The following JARID2 variants were observed in gnomAD, a reference collection of about 807,000 sequenced individuals.
JARID2 encodes jumonji and AT-rich interaction domain containing 2.
A neutral mutation model predicts 125.6 loss-of-function variants in JARID2; 21 were observed. That is an observed-to-expected ratio of 0.17 (90% CI 0.12 to 0.24). The LOEUF (loss-of-function observed/expected upper bound fraction) is 0.24, where lower values mean the gene tolerates loss of function less well. Ranked by LOEUF, JARID2 falls within the 10% of genes least tolerant of loss-of-function variation. The pLI is 1.00. For synonymous variants in JARID2, 736 were observed against 661.6 expected, an observed-to-expected ratio of 1.11 and a Z score of -1.73; for missense variants, 1,303 against 1,639.6, an observed-to-expected ratio of 0.79 and a Z score of 3.55.
intron 1 of JARID2, among the ~76,000 whole-genome samples, chr6:15,290,600 G>C (rs1761168685): frequency 1.3e-5 from 2 of 152,022 alleles, no homozygotes; most frequent in African/African-American, 4.8e-5. Flanking sequence ...TGTGATGAAG[G>C]GTTGCTGAAT....
At chr6:15,248,151 G>A in intron 1 of JARID2, 1 of 925,134 alleles carries the variant, frequency 1.1e-6, no homozygotes, top group Non-Finnish European at 1.3e-6. Context: ...GCGGCTGCGG[G>A]AGGCACGGCA....
At chr6:15,248,613 C>T (rs1241022116) in intron 1 of JARID2, 2 of 151,830 alleles carry the variant, frequency 1.3e-5, no homozygotes, top group African/African-American at 2.4e-5. Flanking sequence ...GCCGGCGAGA[C>T]GTCAGCGCGC....
At chr6:15,283,306 A>G (rs1005549546) in intron 1 of JARID2, among the ~76,000 whole-genome samples, 1 of 147,282 alleles carries the variant, frequency 6.8e-6, no homozygotes, top group Non-Finnish European at 1.5e-5. Flanking sequence ...TATGTCGCAA[A>G]TATTGTCTCC....
intron 5 of JARID2, among the ~76,000 whole-genome samples, chr6:15,482,487 A>G (rs1404763786): frequency 6.6e-6 from 1 of 152,242 alleles, no homozygotes; most frequent in African/African-American, 2.4e-5. Flanking sequence ...AGCATTTTTT[A>G]ATGAAAAATA....
At chr6:15,460,788 T>C (rs1768409367) in intron 4 of JARID2, among the ~76,000 whole-genome samples, 1 of 152,188 alleles carries the variant, frequency 6.6e-6, no homozygotes, top group Admixed American at 6.5e-5. Flanking sequence ...CACTGCAACC[T>C]CCGCCTCCCA....
chr6:15,328,853 G>A (rs1762615884), intron 1 of JARID2, among the ~76,000 whole-genome samples: 1 of 152,222 alleles, frequency 6.6e-6, no homozygotes, highest in African/African-American at 2.4e-5. Flanking sequence ...TATGTAGAGT[G>A]CAAAGGACCC....
intron 9 of JARID2, among the ~76,000 whole-genome samples, chr6:15,506,431 C>T (rs902644455): frequency 6.6e-6 from 1 of 152,194 alleles, no homozygotes; most frequent in African/African-American, 2.4e-5. Context: ...TTTGGTGTTG[C>T]TAGTAGCGCT....
At chr6:15,504,950 T>A (rs944975622) in intron 9 of JARID2, among the ~76,000 whole-genome samples, 2 of 152,194 alleles carry the variant, frequency 1.3e-5, no homozygotes, top group African/African-American at 2.4e-5. Context: ...TTGGAATCCC[T>A]TGAAACCACA....
intron 1 of JARID2, among the ~76,000 whole-genome samples, chr6:15,351,165 A>T (rs1259886395): frequency 6.6e-6 from 1 of 152,222 alleles, no homozygotes; most frequent in African/African-American, 2.4e-5. Flanking sequence ...GTATGAGGAA[A>T]ATAGAGGTCA....
intron 2 of JARID2, among the ~76,000 whole-genome samples, chr6:15,395,582 T>C (rs1261597832): frequency 2.0e-5 from 3 of 151,774 alleles, no homozygotes. Context: ...GTGTTTTTAG[T>C]AGAGATGGGA....
intron 4 of JARID2, among the ~76,000 whole-genome samples, chr6:15,461,882 C>CTTTTTT (rs112020845): frequency 9.0e-5 from 13 of 145,194 alleles, no homozygotes; most frequent in Non-Finnish European, 1.7e-4. Flanking sequence ...GTGATGGTAT[C>CTTTTTT]TTTTTTTTTT....
intron 1 of JARID2, among the ~76,000 whole-genome samples, chr6:15,276,584 G>T (rs1760530417): frequency 1.3e-5 from 2 of 152,196 alleles, no homozygotes; most frequent in South Asian, 4.1e-4. Flanking sequence ...TAAAGGATGT[G>T]CATCTTGTTG....
intron 3 of JARID2, among the ~76,000 whole-genome samples, chr6:15,422,720 G>A (rs1339314644): frequency 6.6e-6 from 1 of 152,204 alleles, no homozygotes; most frequent in Non-Finnish European, 1.5e-5. Flanking sequence ...CACAATAGAT[G>A]AAGCTGGTCA....
At chr6:15,405,798 G>C (rs1765624674) in intron 2 of JARID2, among the ~76,000 whole-genome samples, 2 of 152,192 alleles carry the variant, frequency 1.3e-5, no homozygotes, top group Admixed American at 1.3e-4. Context: ...TTAGGGGAGA[G>C]AAAAGGCAGT....
chr6:15,259,194 A>T (rs751390795), intron 1 of JARID2, among the ~76,000 whole-genome samples: 18 of 152,312 alleles, frequency 1.2e-4, no homozygotes, highest in Non-Finnish European at 1.9e-4. Context: ...CCTGCCTTTT[A>T]TTCTCCAGGC....
intron 5 of JARID2, among the ~76,000 whole-genome samples, chr6:15,469,981 A>T (rs991442626): frequency 6.6e-6 from 1 of 152,050 alleles, no homozygotes; most frequent in Non-Finnish European, 1.5e-5. Context: ...GATCAAGACC[A>T]TCCTGGCCAA....
intron 5 of JARID2, among the ~76,000 whole-genome samples, chr6:15,479,085 C>A (rs1769488625): frequency 6.6e-6 from 1 of 152,172 alleles, no homozygotes; most frequent in African/African-American, 2.4e-5. Flanking sequence ...TTGATTCTTG[C>A]CAGTGATAAA....
At chr6:15,250,170 AG>A in intron 1 of JARID2, among the ~76,000 whole-genome samples, 1 of 152,252 alleles carries the variant, frequency 6.6e-6, no homozygotes, top group East Asian at 1.9e-4. Context: ...GTAAGTTTTA[AG>A]TATCTAATTT....
At chr6:15,267,093 A>T (rs190562914) in intron 1 of JARID2, among the ~76,000 whole-genome samples, 2 of 152,320 alleles carry the variant, frequency 1.3e-5, no homozygotes, top group African/African-American at 4.8e-5. Context: ...TAATGCTGAC[A>T]TATTGCAACT....
Sources: allele counts gnomAD v4.1 joint callset (sites outside exome capture counted in the v4.1 genomes callset), GRCh38; gene constraint gnomAD v4.1.1; transcripts MANE v1.5; gene names NCBI Gene and HGNC (gene_info 2026-07-23, HGNC 2026-07-21).